Variants in HEPH observed in about 807,000 individuals in gnomAD.
HEPH encodes the protein hephaestin.
Under a neutral mutation model 80.8 loss-of-function variants are expected in HEPH, and 69 were observed. The observed-to-expected ratio is 0.85, with a 90% CI of 0.70 to 1.04. HEPH has a LOEUF of 1.04. HEPH is among the 50% of genes least tolerant of loss of function. The pLI is 0.00. For synonymous variants in HEPH, 431 were observed against 322.8 expected (o/e 1.34, Z -3.60); for missense variants, 1,115 against 891.3 (o/e 1.25, Z -3.20).
At position 66,193,515 on chromosome X, in the gene HEPH, T is replaced by G; in HGVS notation, c.1246T>G (p.Phe416Val). The change falls in exon 8 of 21, where the codon TTT becomes GTT. Residue 416 changes from phenylalanine (F) to valine (V), a missense_variant. Around this residue, in one of 3 missense-constraint regions of HEPH, gnomAD observed 391 missense variants for 343.6 expected, o/e 1.14. Coordinates refer to ENST00000343002, the MANE Select transcript of HEPH (RefSeq NM_001367233.3). ...LREPGSISDK[F>V]FQKSSSRIGG... is the part of the protein sequence containing the mutation. The stretch of plus-strand genomic sequence containing the variant: ...TTTATACATCAGTATCTCAGATAAG[T>G]TTTTCCAGAAGAGCTCCAGCCGAAT... The G allele has an allele frequency of 8.4e-7, 1 of 1,183,467 alleles. No homozygotes were observed. Among genetic ancestry groups the G allele is most frequent in the South Asian group, 1.9e-5 (1 of 52,609 alleles).
chrX:66,227,409 A>G (rs975995020), intron 15 of HEPH, among the ~76,000 whole-genome samples: 1 of 111,257 alleles, frequency 9.0e-6, no homozygotes, highest in Non-Finnish European at 1.9e-5. Context: ...CACCACTTCT[A>G]TTCAACATAT....
chrX:66,258,918 C>T lies in HEPH; in HGVS notation c.2975C>T (p.Ala992Val). The change falls in exon 18 of 21, where the codon GCC becomes GTC. Residue 992 changes from alanine (A) to valine (V), a missense_variant. By Grantham distance (64) the Ala-to-Val change is moderately conservative (BLOSUM62 0). Coordinates refer to ENST00000343002, the MANE Select transcript of HEPH (RefSeq NM_001367233.3). ...GAACGAGTGGCCTGGTACATGCTGG[C>T]CATGGGCCAAGATGTGGATCTACAC... ...QGERVAWYML[A>V]MGQDVDLHTI... is the part of the protein sequence containing the mutation. 8.5e-7 allele frequency: 1 copy of T among 1,173,088 alleles called. No individual in the cohort carries two copies. Among genetic ancestry groups the T allele is most frequent in the South Asian group, 1.9e-5 (1 of 51,313 alleles).
At chrX:66,199,163 G>A (rs1477768397) in intron 11 of HEPH, 135 bp downstream of exon 11, 23 of 594,962 alleles carry the variant, frequency 3.9e-5, no homozygotes, top group Non-Finnish European at 5.0e-5. Flanking sequence ...AGATTGAGAG[G>A]CTCAACCGAA....
Position 66,188,604 on chromosome X carries a change from C to G in HEPH, c.808+63C>G, listed in dbSNP as rs944497843. On this transcript the variant is annotated intron_variant, in intron 5 of 20. Coordinates refer to ENST00000343002, the MANE Select transcript of HEPH (RefSeq NM_001367233.3). Reference sequence around the variant, plus strand: ...CATTGTTGGAGGGTATCCACTGGGCCTAGTATTTGGTGGATGCTTTCACAT... The same window carrying G: ...CATTGTTGGAGGGTATCCACTGGGCGTAGTATTTGGTGGATGCTTTCACAT... The G allele has an allele frequency of 2.4e-5, 24 of 982,386 alleles. No homozygotes were observed. In the African/African-American group the frequency reaches 4.4e-4, roughly 18 times the overall value. 81.0% of individuals were successfully genotyped at this position (982,386 alleles called of 1,213,427 possible).
intron 15 of HEPH, among the ~76,000 whole-genome samples, chrX:66,247,983 C>T (rs1369161194): frequency 1.8e-5 from 2 of 111,717 alleles, no homozygotes. Context: ...GCACCATCTT[C>T]CCTTTCTTTT....
At chrX:66,231,784 A>T (rs1353107493) in intron 15 of HEPH, among the ~76,000 whole-genome samples, 1 of 105,798 alleles carries the variant, frequency 9.5e-6, no homozygotes, top group Non-Finnish European at 2.0e-5. Flanking sequence ...TCTCCTGCCT[A>T]ATTGCCCTGG....
chrX:66,174,745 A>G (rs756658996), intron 4 of HEPH, among the ~76,000 whole-genome samples: 130 of 111,410 alleles, frequency 1.2e-3, no homozygotes, highest in African/African-American at 4.2e-3. Flanking sequence ...TGTGGTTTTG[A>G]CTTGCATTTC....
At chrX:66,175,948 T>C (rs2086785980) in intron 4 of HEPH, among the ~76,000 whole-genome samples, 2 of 111,518 alleles carry the variant, frequency 1.8e-5, no homozygotes, top group African/African-American at 6.5e-5. Flanking sequence ...TAAACTATCA[T>C]ATTGTCAGCA....
chrX:66,202,554 C>T (rs1298235981), intron 12 of HEPH, among the ~76,000 whole-genome samples: 1 of 111,498 alleles, frequency 9.0e-6, no homozygotes, highest in Non-Finnish European at 1.9e-5. Context: ...CTGTTACCTG[C>T]ACATTCCATT....
chrX:66,187,304 G>C lies in HEPH; in HGVS notation c.626-1055G>C, dbSNP rs1301580096. ...GGATCCATTGCTGGTGAGCTAGTGT[G>C]ATTTTTTTGGGGTGTTAAAGAACCT... On this transcript the variant is annotated intron_variant, in intron 4 of 20. Coordinates refer to ENST00000343002, the MANE Select transcript of HEPH (RefSeq NM_001367233.3). Among the ~76,000 whole-genome samples, 3 of 110,915 alleles carry C rather than the reference G, an allele frequency of 2.7e-5. No homozygotes were observed. The Admixed American group carries it at 2.9e-4, about 11-fold the overall frequency.
intron 6 of HEPH, 93 bp downstream of exon 6, chrX:66,190,031 G>T: frequency 1.1e-6 from 1 of 931,842 alleles, no homozygotes; most frequent in Non-Finnish European, 1.5e-6. Flanking sequence ...CCATAAATAA[G>T]TCCTCCAGTT....
At position 66,173,622 on chromosome X, in the gene HEPH, T is replaced by C; in HGVS notation, c.446T>C (p.Leu149Pro). The part of the protein sequence containing the change: ...SLYPDGSSGP[L>P]KADDSVPPGG... The stretch of plus-strand genomic sequence containing the variant: ...TACCCAGATGGCTCCTCTGGGCCAC[T>C]GAAAGCTGATGACTCTGTTCCCCCG... The change falls in exon 4 of 21, where the codon CTG (leucine) becomes CCG (proline). Residue 149 changes from leucine to proline, a missense_variant. By Grantham distance (98) the Leu-to-Pro change is moderately conservative. Around this residue, in one of 3 missense-constraint regions of HEPH, gnomAD observed 391 missense variants for 343.6 expected, o/e 1.14. Transcript: ENST00000343002. The C allele has an allele frequency of 1.7e-6, 2 of 1,210,860 alleles. No individual in the cohort carries two copies. Among genetic ancestry groups the C allele is most frequent in the Non-Finnish European group, 2.2e-6 (2 of 894,935 alleles).
intron 4 of HEPH, among the ~76,000 whole-genome samples, chrX:66,186,310 C>A (rs1389723127): frequency 2.8e-5 from 3 of 106,114 alleles, no homozygotes; most frequent in Non-Finnish European, 5.8e-5. Flanking sequence ...GCCTCGTTGC[C>A]GCCTTGCAGT....
intron 14 of HEPH, among the ~76,000 whole-genome samples, chrX:66,207,785 T>G (rs1443199289): frequency 1.8e-5 from 2 of 111,747 alleles, no homozygotes; most frequent in Non-Finnish European, 3.8e-5. Flanking sequence ...TCTGCCAAAC[T>G]TATCACTCTT....
chrX:66,178,123 T>A (rs2086897280), intron 4 of HEPH, among the ~76,000 whole-genome samples: 1 of 110,821 alleles, frequency 9.0e-6, no homozygotes, highest in South Asian at 3.9e-4. Context: ...GGCCCCAGTG[T>A]GTGATGTTCC....
intron 15 of HEPH, among the ~76,000 whole-genome samples, chrX:66,219,818 T>C (rs1167916616): frequency 9.0e-6 from 1 of 111,397 alleles, no homozygotes; most frequent in Non-Finnish European, 1.9e-5. Context: ...GGTATTTTGG[T>C]GTAAGCTCTA....
chrX:66,226,734 A>G (rs1475335854), intron 15 of HEPH, among the ~76,000 whole-genome samples: 1 of 111,884 alleles, frequency 8.9e-6, no homozygotes, highest in African/African-American at 3.3e-5. Flanking sequence ...CTCCTAGTTT[A>G]AAGCAGAAAG....
At position 66,208,233 on chromosome X, in the gene HEPH, G is replaced by A; in HGVS notation, c.2550G>A (p.Leu850=). ...TAGAATCTACTACTGTCTGGCCACTGGCTGCTGAGCCTGGTGAGTGGGGAC... is the reference window on the plus strand; with the variant it reads ...TAGAATCTACTACTGTCTGGCCACTAGCTGCTGAGCCTGGTGAGTGGGGAC... ...GVLESTTVWP[L]AAEPGEVVTY... The change falls in exon 15 of 21, where the codon CTG becomes CTA. Residue 850 remains leucine, a synonymous_variant. Coordinates refer to ENST00000343002, the MANE Select transcript of HEPH (RefSeq NM_001367233.3). 8.3e-7 allele frequency: 1 copy of A among 1,208,200 alleles called. No homozygotes were observed. The highest frequency in any genetic ancestry group is 2.3e-4 in the Middle Eastern group (1 of 4,338).
At chrX:66,259,987 C>T in intron 18 of HEPH, 113 bp from the exon 19 acceptor site, 1 of 580,696 alleles carries the variant, frequency 1.7e-6, no homozygotes, top group East Asian at 3.4e-5. Flanking sequence ...GGTCTAGGAA[C>T]CTTGAAGTCT....
Sources: allele counts gnomAD v4.1 joint callset (sites outside exome capture counted in the v4.1 genomes callset), GRCh38; gene constraint gnomAD v4.1.1; regional missense constraint gnomAD v4.1.1; transcripts MANE v1.5; gene names NCBI Gene and HGNC (gene_info 2026-07-23, HGNC 2026-07-21).